Variants in CLPB observed in about 807,000 individuals in gnomAD.
The protein encoded by CLPB is mitochondrial disaggregase.
CLPB carries 40 observed loss-of-function variants against 78.4 expected under a neutral mutation model. The observed-to-expected ratio is 0.51, with a 90% CI of 0.40 to 0.66. The LOEUF (loss-of-function observed/expected upper bound fraction) is 0.66. Ranked by LOEUF, CLPB falls within the 30% of genes least tolerant of loss-of-function variation. The pLI, the probability that CLPB is intolerant of heterozygous loss-of-function variation, is 0.00. For missense variants in CLPB, 780 were observed against 886.9 expected, an observed-to-expected ratio of 0.88 and a Z score of 1.53; for synonymous variants, 333 against 348.0, an observed-to-expected ratio of 0.96 and a Z score of 0.48.
chr11:72,303,229 C>T (rs1949690806), intron 9 of CLPB, among the ~76,000 whole-genome samples: 1 of 152,242 alleles, frequency 6.6e-6, no homozygotes, highest in Non-Finnish European at 1.5e-5. Context: ...CCTACTGGCA[C>T]ATGCCTCCAT....
intron 9 of CLPB, among the ~76,000 whole-genome samples, chr11:72,306,543 C>G: frequency 6.6e-6 from 1 of 152,182 alleles, no homozygotes; most frequent in East Asian, 1.9e-4. Context: ...TTAAACTGAG[C>G]AGGCCTTGGA....
chr11:72,348,651 G>A (rs1950558356), intron 5 of CLPB, among the ~76,000 whole-genome samples: 1 of 152,118 alleles, frequency 6.6e-6, no homozygotes, highest in South Asian at 2.1e-4. Flanking sequence ...TGTTAATTCT[G>A]GCCCTTGCTT....
chr11:72,377,460 A>G (rs1440688722), intron 4 of CLPB, among the ~76,000 whole-genome samples: 1 of 152,190 alleles, frequency 6.6e-6, no homozygotes, highest in Non-Finnish European at 1.5e-5. Flanking sequence ...ATGAAATAAG[A>G]AGAGATAGTT....
intron 9 of CLPB, among the ~76,000 whole-genome samples, chr11:72,305,496 T>A (rs1250531833): frequency 6.6e-6 from 1 of 152,158 alleles, no homozygotes; most frequent in African/African-American, 2.4e-5. Context: ...TAACCTAAGA[T>A]ATGGGTTGGA....
intron 2 of CLPB, among the ~76,000 whole-genome samples, chr11:72,412,891 GCC>G (rs1318721171): frequency 2.0e-5 from 3 of 152,014 alleles, no homozygotes; most frequent in African/African-American, 7.2e-5. Flanking sequence ...CAGAAACTTG[GCC>G]CACATTAAAG....
chr11:72,402,961 C>G lies in CLPB; in HGVS notation c.542+5G>C. The G allele has an allele frequency of 1.9e-6, 3 of 1,613,710 alleles. No homozygotes were observed. Among genetic ancestry groups the G allele is most frequent in the Non-Finnish European group, 2.5e-6 (3 of 1,179,732 alleles). On this transcript the variant is annotated splice_donor_5th_base_variant and intron_variant, in intron 3 of 15. Coordinates refer to ENST00000538039, the MANE Select transcript of CLPB (RefSeq NM_001258392.3). ...AGGAGCCCTGTGTGGAAGGTGGTCT[C>G]TCACCTGTTGTTTCGGTTGATGGCT... is the stretch of plus-strand genomic sequence containing the variant.
intron 5 of CLPB, among the ~76,000 whole-genome samples, chr11:72,339,082 A>G (rs1461285629): frequency 6.6e-6 from 1 of 152,236 alleles, no homozygotes; most frequent in Admixed American, 6.5e-5. Flanking sequence ...GTCCTTGTTC[A>G]GCATGTTTAT....
In CLPB at chr11:72,291,471, C is replaced by T. The variant is rs1202560962; in HGVS notation, c.*1896G>A. ...TACAGGTGGGCACCAGCGGGCCTGG[C>T]TAATTTTTGTATTTTTAGTACAGAC... On this transcript the variant is annotated 3_prime_UTR_variant, in exon 16 of 16. Coordinates refer to ENST00000538039, the MANE Select transcript of CLPB (RefSeq NM_001258392.3). The T allele has an allele frequency of 1.3e-5, 2 of 152,066 alleles. No homozygotes were observed. The highest frequency in any genetic ancestry group is 4.8e-5 in the African/African-American group (2 of 41,422). The allele number at this position is 152,066 out of a possible 1,614,324, so 9.4% of individuals were successfully genotyped here. A position where few individuals can be genotyped will look rare whatever the true frequency, so the allele number is the denominator to read the frequency against.
chr11:72,297,229 G>A (rs538767602), intron 11 of CLPB, among the ~76,000 whole-genome samples: 15 of 152,362 alleles, frequency 9.8e-5, no homozygotes, highest in African/African-American at 3.4e-4. Flanking sequence ...GCTCCTGCCT[G>A]AGCCAGGGAT....
intron 3 of CLPB, among the ~76,000 whole-genome samples, chr11:72,383,447 C>T (rs568654869): frequency 7.8e-4 from 118 of 150,678 alleles, no homozygotes; most frequent in Non-Finnish European, 1.5e-3. Context: ...AGGAGAATGG[C>T]GTGAACCCGG....
At chr11:72,348,313 AACAG>A (rs1444421646) in intron 5 of CLPB, among the ~76,000 whole-genome samples, 1 of 152,220 alleles carries the variant, frequency 6.6e-6, no homozygotes, top group Non-Finnish European at 1.5e-5. Context: ...ACACATAAAC[AACAG>A]ACAGTCACTT....
intron 2 of CLPB, among the ~76,000 whole-genome samples, chr11:72,413,793 T>C (rs1027043679): frequency 6.6e-6 from 1 of 152,202 alleles, no homozygotes; most frequent in Non-Finnish European, 1.5e-5. Flanking sequence ...TACCCTTCAA[T>C]GTGGATAACA....
At chr11:72,406,136 A>C (rs1028966018) in intron 2 of CLPB, among the ~76,000 whole-genome samples, 2 of 152,152 alleles carry the variant, frequency 1.3e-5, no homozygotes, top group Non-Finnish European at 2.9e-5. Context: ...AGAGTACAAA[A>C]TGGGGATAAG....
intron 3 of CLPB, among the ~76,000 whole-genome samples, chr11:72,402,226 A>T (rs1855584204): frequency 6.6e-6 from 1 of 152,048 alleles, no homozygotes. Flanking sequence ...GTACCACTGC[A>T]CTCCAGCCTG....
chr11:72,434,157 C>G lies in CLPB; in HGVS notation c.318G>C (p.Gly106=). The change falls in exon 1 of 16, where the codon GGG becomes GGC. Residue 106 remains glycine (G), a synonymous_variant. Transcript: ENST00000538039. ...TGCCCAGTCCGGCCCTGCTGGGGAC[C>G]CCGTTCCAGCTGTCCTGTCCTGGGA... ...ETLPGQDSWN[G]VPSRAGLGMC... is the part of the protein sequence containing the mutation. 1.2e-6 allele frequency: 2 copies of G among 1,612,922 alleles called. No homozygotes were observed. The highest frequency in any genetic ancestry group is 1.7e-6 in the Non-Finnish European group (2 of 1,180,014).
At chr11:72,310,394 C>T (rs1014816596) in intron 7 of CLPB, among the ~76,000 whole-genome samples, 4 of 152,162 alleles carry the variant, frequency 2.6e-5, no homozygotes, top group Admixed American at 2.6e-4. Flanking sequence ...CTAACTGGCC[C>T]AGGATCTCTG....
chr11:72,386,729 A>G (rs1405557844), intron 3 of CLPB, among the ~76,000 whole-genome samples: 1 of 152,206 alleles, frequency 6.6e-6, no homozygotes, highest in African/African-American at 2.4e-5. Context: ...TAACTTTTAA[A>G]ATTACCTTCA....
intron 5 of CLPB, among the ~76,000 whole-genome samples, chr11:72,335,792 T>C (rs1303781990): frequency 6.6e-6 from 1 of 152,214 alleles, no homozygotes; most frequent in Admixed American, 6.5e-5. Context: ...ATTTGCCAGA[T>C]GATTGAACCG....
intron 3 of CLPB, among the ~76,000 whole-genome samples, chr11:72,388,767 C>G (rs931491921): frequency 6.6e-6 from 1 of 152,156 alleles, no homozygotes. Flanking sequence ...CAGCCCAGAT[C>G]GGGCTAGAGG....
Sources: gnomAD v4.1 joint callset for allele counts (sites outside exome capture counted in the v4.1 genomes callset) on GRCh38, gnomAD v4.1.1 for gene constraint, MANE v1.5 for transcripts, NCBI Gene and HGNC (gene_info 2026-07-23, HGNC 2026-07-21) for gene names.